CHD9: variants seen among roughly 807,000 people sequenced by gnomAD.
The protein encoded by CHD9 is chromodomain helicase DNA binding protein 9, also known as ATP-dependent chromatin remodeler CHD9.
A neutral mutation model predicts 316.1 loss-of-function variants in CHD9; 77 were observed. That is an observed-to-expected ratio of 0.24 (90% CI 0.20 to 0.29). CHD9 has a LOEUF of 0.29. CHD9 is among the 10% of genes least tolerant of loss of function. The pLI is 1.00. For missense variants in CHD9, 2,763 were observed against 3,438.1 expected, an observed-to-expected ratio of 0.80 and a Z score of 4.91; for synonymous variants, 1,129 against 1,158.3, an observed-to-expected ratio of 0.97 and a Z score of 0.51.
chr16:53,144,860 C>CA (rs1169683215), intron 1 of CHD9, among the ~76,000 whole-genome samples: 1 of 151,760 alleles, frequency 6.6e-6, no homozygotes, highest in African/African-American at 2.4e-5. Context: ...GGCATGGTGG[C>CA]ACATGCTTTT....
At chr16:53,067,811 C>G (rs1017304731) in intron 1 of CHD9, among the ~76,000 whole-genome samples, 4 of 151,930 alleles carry the variant, frequency 2.6e-5, no homozygotes, top group African/African-American at 9.7e-5. Context: ...TCATAGTGTC[C>G]TCTTGGAAGG....
At chr16:53,135,683 A>C (rs546377316) in intron 1 of CHD9, among the ~76,000 whole-genome samples, 1 of 152,336 alleles carries the variant, frequency 6.6e-6, no homozygotes, top group Non-Finnish European at 1.5e-5. Flanking sequence ...CTTCAGAAGA[A>C]GTCTACCTTT....
At chr16:53,147,809 CTGTT>C (rs2040753399) in intron 1 of CHD9, among the ~76,000 whole-genome samples, 1 of 152,158 alleles carries the variant, frequency 6.6e-6, no homozygotes, top group Non-Finnish European at 1.5e-5. Flanking sequence ...TACAAGTTCT[CTGTT>C]TGAGTCCCTA....
rs554320503 is a variant in CHD9 at position 53,124,758 on chromosome 16, G to A, written c.-164-31168G>A. Among the ~76,000 whole-genome samples the A allele has an allele frequency of 1.1e-4, 17 of 152,158 alleles. No homozygotes were observed. In the South Asian group the frequency reaches 2.9e-3, roughly 26 times the overall value. ...GCCTCCCAAAGTGCTGGGATTACAG[G>A]TGTGAGCCACCACACCCAGCCTCGT... On this transcript the variant is annotated intron_variant, in intron 1 of 38. Transcript: ENST00000447540.
chr16:53,165,249 G>C (rs904935989), intron 2 of CHD9, among the ~76,000 whole-genome samples: 1 of 152,108 alleles, frequency 6.6e-6, no homozygotes, highest in Non-Finnish European at 1.5e-5. Flanking sequence ...AGATTCTATG[G>C]TTGTAATTTT....
chr16:53,235,382 T>C, intron 11 of CHD9, 76 bp downstream of exon 11: 1 of 1,049,322 alleles, frequency 9.5e-7, no homozygotes, highest in South Asian at 1.8e-5. Flanking sequence ...ATAGATACTG[T>C]TGTTGCTATA....
chr16:53,206,697 A>G (rs62048053), intron 2 of CHD9, among the ~76,000 whole-genome samples: 47,204 of 151,990 alleles, frequency 0.31, 7,484 homozygotes, highest in Middle Eastern at 0.39. Context: ...TGCCTGGTAC[A>G]TAGTAAGCAC....
At chr16:53,127,637 C>T (rs2039028688) in intron 1 of CHD9, among the ~76,000 whole-genome samples, 1 of 152,120 alleles carries the variant, frequency 6.6e-6, no homozygotes, top group Non-Finnish European at 1.5e-5. Flanking sequence ...GAATCCCTTT[C>T]TCAACGGGCA....
intron 5 of CHD9, 119 bp downstream of exon 5, chr16:53,226,631 T>TA (rs1350767711): frequency 1.3e-5 from 14 of 1,091,392 alleles, no homozygotes; most frequent in Non-Finnish European, 1.8e-5. Context: ...TTCCATATTA[T>TA]TAGTTAATTG....
At chr16:53,262,564 T>C (rs2051250639) in intron 19 of CHD9, among the ~76,000 whole-genome samples, 1 of 152,180 alleles carries the variant, frequency 6.6e-6, no homozygotes, top group Non-Finnish European at 1.5e-5. Context: ...TTAGGAGATA[T>C]TACTATCTGA....
intron 1 of CHD9, among the ~76,000 whole-genome samples, chr16:53,065,638 T>TAAAAAAAAAA (rs68025976): frequency 1.8e-4 from 19 of 103,234 alleles, no homozygotes; most frequent in South Asian, 3.7e-4. Context: ...TGTCTTAAAT[T>TAAAAAAAAAA]AAAAAAAAAA....
chr16:53,060,896 A>C (rs2032800736), intron 1 of CHD9, among the ~76,000 whole-genome samples: 1 of 147,170 alleles, frequency 6.8e-6, no homozygotes, highest in Admixed American at 6.8e-5. Context: ...ACTCCAGCCT[A>C]GGTGACAGGG....
intron 2 of CHD9, among the ~76,000 whole-genome samples, chr16:53,197,660 CTT>C (rs140745645): frequency 4.2e-5 from 6 of 142,746 alleles, no homozygotes; most frequent in Admixed American, 7.1e-5. Context: ...AATATTCTAG[CTT>C]TTTTTTTTTT....
At position 53,078,095 on chromosome 16, in the gene CHD9, A is replaced by T. The variant is rs866781799; in HGVS notation, c.-165+23018A>T. ...TCTCAGAAAAGGAAAAAGAGAAAAA[A>T]ATATATATATACAATGCATTTTTAT... On this transcript the variant is annotated intron_variant, in intron 1 of 38. Transcript: ENST00000447540. Among the ~76,000 whole-genome samples the T allele has an allele frequency of 1.7e-3, 265 of 152,236 alleles. 2 individuals carry two copies. Among genetic ancestry groups the T allele is most frequent in the African/African-American group, 6.1e-3 (253 of 41,536 alleles).
chr16:53,201,986 G>A (rs1276093133), intron 2 of CHD9, among the ~76,000 whole-genome samples: 1 of 151,718 alleles, frequency 6.6e-6, no homozygotes, highest in Non-Finnish European at 1.5e-5. Flanking sequence ...AGCCTCCCAA[G>A]CAACTCGGAC....
intron 1 of CHD9, among the ~76,000 whole-genome samples, chr16:53,103,700 G>A (rs2037083710): frequency 6.6e-6 from 1 of 152,162 alleles, no homozygotes; most frequent in Non-Finnish European, 1.5e-5. Flanking sequence ...TTTTTCCTCT[G>A]ATTGAAAACT....
intron 2 of CHD9, among the ~76,000 whole-genome samples, chr16:53,173,853 A>T (rs2042938520): frequency 6.6e-6 from 1 of 151,578 alleles, no homozygotes; most frequent in Non-Finnish European, 1.5e-5. Context: ...CAAATTTGTT[A>T]TTTTTTTTAA....
chr16:53,103,933 C>A (rs988654120), intron 1 of CHD9, among the ~76,000 whole-genome samples: 2 of 152,200 alleles, frequency 1.3e-5, no homozygotes, highest in African/African-American at 4.8e-5. Flanking sequence ...ACCTTCAGGA[C>A]TGGAACACAA....
In CHD9 at chr16:53,280,743, GACA is replaced by G. The variant is rs554567269; in HGVS notation, c.4968-4845_4968-4843del. 1.8e-3 allele frequency among the ~76,000 whole-genome samples: 268 copies of G among 151,708 alleles called. 1 individual carries two copies. Among genetic ancestry groups the G allele is most frequent in the Non-Finnish European group, 2.9e-3 (199 of 67,924 alleles). Reference sequence around the variant, plus strand: ...ATAAAAATGGCAGAGCAAAGATTCAGACAACAACAAAAAAGATTGCCTACATTT... The same window carrying G: ...ATAAAAATGGCAGAGCAAAGATTCAGACAACAAAAAAGATTGCCTACATTT... On this transcript the variant is annotated intron_variant, in intron 24 of 38. Coordinates refer to ENST00000447540, the MANE Select transcript of CHD9 (RefSeq NM_001308319.2).
Sources: gnomAD v4.1 joint callset for allele counts (sites outside exome capture counted in the v4.1 genomes callset) on GRCh38, gnomAD v4.1.1 for gene constraint, MANE v1.5 for transcripts, NCBI Gene and HGNC (gene_info 2026-07-23, HGNC 2026-07-21) for gene names.